The following ZNF438 variants were observed in gnomAD, a reference collection of about 807,000 sequenced individuals.
ZNF438 encodes zinc finger protein 438.
ZNF438 carries 25 observed loss-of-function variants against 38.0 expected under a neutral mutation model. The observed-to-expected ratio is 0.66, with a 90% CI of 0.48 to 0.92. The LOEUF is 0.92. Among genes scored for constraint, ZNF438 ranks in the 40% least tolerant of loss-of-function variants. The pLI is 0.00. For missense variants in ZNF438, 1,007 were observed against 999.6 expected (o/e 1.01, Z -0.10); for synonymous variants, 372 against 364.1 (o/e 1.02, Z -0.25).
chr10:31,025,778 A>G (rs544223508), intron 1 of ZNF438, among the ~76,000 whole-genome samples: 1 of 152,298 alleles, frequency 6.6e-6, no homozygotes, highest in South Asian at 2.1e-4. Flanking sequence ...AATCAAACCT[A>G]AAGATTTTAA....
At chr10:30,887,922 A>G (rs2040173504) in intron 3 of ZNF438, among the ~76,000 whole-genome samples, 1 of 152,192 alleles carries the variant, frequency 6.6e-6, no homozygotes, top group African/African-American at 2.4e-5. Flanking sequence ...GTCATTTCAT[A>G]TACATCAGAC....
intron 5 of ZNF438, among the ~76,000 whole-genome samples, chr10:30,847,552 G>A (rs541441452): frequency 6.6e-6 from 1 of 152,316 alleles, no homozygotes; most frequent in South Asian, 2.1e-4. Context: ...AAATGGTGGG[G>A]CTAAGAGAGC....
chr10:30,967,347 A>C (rs915193175), intron 1 of ZNF438, among the ~76,000 whole-genome samples: 2 of 152,264 alleles, frequency 1.3e-5, no homozygotes, highest in African/African-American at 4.8e-5. Flanking sequence ...TGACTAGTAA[A>C]GAAAAGCAGA....
At chr10:30,973,615 CT>C (rs1466601411) in intron 1 of ZNF438, among the ~76,000 whole-genome samples, 4 of 152,210 alleles carry the variant, frequency 2.6e-5, no homozygotes, top group African/African-American at 9.7e-5. Flanking sequence ...AAACAACTCT[CT>C]CCCACCCCCG....
intron 1 of ZNF438, among the ~76,000 whole-genome samples, chr10:30,956,063 T>C (rs1208061902): frequency 6.6e-6 from 1 of 152,204 alleles, no homozygotes; most frequent in Non-Finnish European, 1.5e-5. Context: ...CTAAATAAAC[T>C]ATTGTACATA....
intron 1 of ZNF438, among the ~76,000 whole-genome samples, chr10:30,992,102 C>G (rs552771411): frequency 3.3e-5 from 5 of 152,328 alleles, no homozygotes; most frequent in African/African-American, 1.2e-4. Context: ...AAACTTCTTG[C>G]CATCTGCAAG....
chr10:30,938,563 A>C (rs1054590408), intron 2 of ZNF438, among the ~76,000 whole-genome samples: 2 of 152,172 alleles, frequency 1.3e-5, no homozygotes, highest in African/African-American at 4.8e-5. Flanking sequence ...GGCGTGAGCC[A>C]CCATGCCTGG....
intron 4 of ZNF438, chr10:30,857,809 G>A: frequency 7.4e-7 from 1 of 1,343,468 alleles, no homozygotes; most frequent in Non-Finnish European, 9.7e-7. Flanking sequence ...GTTAAAGGCA[G>A]TGGAGGAAAG....
intron 3 of ZNF438, among the ~76,000 whole-genome samples, chr10:30,908,718 C>T (rs1382205337): frequency 6.6e-6 from 1 of 152,082 alleles, no homozygotes; most frequent in South Asian, 2.1e-4. Context: ...TTTCAAACTA[C>T]TAATACTGAA....
At chr10:31,007,700 T>C (rs979519728) in intron 1 of ZNF438, among the ~76,000 whole-genome samples, 1 of 152,106 alleles carries the variant, frequency 6.6e-6, no homozygotes, top group Non-Finnish European at 1.5e-5. Context: ...ATAACATATA[T>C]AAAGTACCTA....
chr10:31,031,652 C>G (rs2057302811), intron 1 of ZNF438, among the ~76,000 whole-genome samples, 181 bp downstream of exon 1: 1 of 152,114 alleles, frequency 6.6e-6, no homozygotes, highest in Non-Finnish European at 1.5e-5. Flanking sequence ...TCGCCTCCCG[C>G]ACCCCAGGTC....
At chr10:30,963,884 A>T (rs111357083) in intron 1 of ZNF438, among the ~76,000 whole-genome samples, 49 of 151,580 alleles carry the variant, frequency 3.2e-4, no homozygotes, top group Middle Eastern at 3.4e-3. Flanking sequence ...AAAAAAAAAA[A>T]TTTTTTTTGC....
chr10:30,978,255 C>T (rs1005355610), intron 1 of ZNF438, among the ~76,000 whole-genome samples: 1 of 152,070 alleles, frequency 6.6e-6, no homozygotes, highest in African/African-American at 2.4e-5. Flanking sequence ...ATTGAGAATT[C>T]GTCTACTCTC....
chr10:31,007,298 T>C (rs1208536824), intron 1 of ZNF438, among the ~76,000 whole-genome samples: 11 of 126,112 alleles, frequency 8.7e-5, no homozygotes, highest in Admixed American at 8.3e-4. Context: ...TTTTTTTTTT[T>C]GGAGACAGAG....
At chr10:30,949,499 G>A (rs1172882814) in intron 1 of ZNF438, among the ~76,000 whole-genome samples, 2 of 152,172 alleles carry the variant, frequency 1.3e-5, no homozygotes, top group Non-Finnish European at 2.9e-5. Context: ...CTGTATTCAG[G>A]AAACCCATCT....
intron 3 of ZNF438, among the ~76,000 whole-genome samples, chr10:30,884,446 C>T (rs567891114): frequency 7.2e-5 from 11 of 152,182 alleles, no homozygotes; most frequent in East Asian, 5.8e-4. Flanking sequence ...AAACCTTATA[C>T]GATTCCTTGA....
At chr10:30,951,529 C>G (rs910588264) in intron 1 of ZNF438, among the ~76,000 whole-genome samples, 3 of 152,108 alleles carry the variant, frequency 2.0e-5, no homozygotes, top group Admixed American at 6.6e-5. Context: ...TCTCCTTAAG[C>G]TGATAAGCAA....
chr10:30,987,183 G>A (rs577907632), intron 1 of ZNF438, among the ~76,000 whole-genome samples: 3 of 152,054 alleles, frequency 2.0e-5, no homozygotes, highest in African/African-American at 7.2e-5. Context: ...GGCTGGGTGT[G>A]GTGGCTCACA....
chr10:30,891,156 G>C (rs1173644719), intron 3 of ZNF438, among the ~76,000 whole-genome samples: 2 of 152,084 alleles, frequency 1.3e-5, no homozygotes, highest in Admixed American at 6.5e-5. Context: ...GAAAATTTGT[G>C]CATTTCAATT....
Sources: allele counts gnomAD v4.1 joint callset (sites outside exome capture counted in the v4.1 genomes callset), GRCh38; gene constraint gnomAD v4.1.1; transcripts MANE v1.5; gene names NCBI Gene and HGNC (gene_info 2026-07-23, HGNC 2026-07-21).